CACNA1D: variants seen among roughly 807,000 people sequenced by gnomAD.
CACNA1D encodes the protein calcium voltage-gated channel subunit alpha1 D.
CACNA1D carries 55 observed loss-of-function variants against 257.1 expected under a neutral mutation model. That is an observed-to-expected ratio of 0.21 (90% CI 0.17 to 0.27). The LOEUF is 0.27. Ranked by LOEUF, CACNA1D falls within the 10% of genes least tolerant of loss-of-function variation. The pLI, the probability that CACNA1D is intolerant of heterozygous loss-of-function variation, is 1.00. For synonymous variants in CACNA1D, 980 were observed against 1,014.9 expected, an observed-to-expected ratio of 0.97 and a Z score of 0.65; for missense variants, 1,876 against 2,784.0, an observed-to-expected ratio of 0.67 and a Z score of 7.34.
intron 3 of CACNA1D, among the ~76,000 whole-genome samples, chr3:53,635,229 A>G (rs762381793): frequency 6.6e-6 from 1 of 152,136 alleles, no homozygotes; most frequent in Non-Finnish European, 1.5e-5. Flanking sequence ...TGGAGGACAC[A>G]TGTGACACAC....
chr3:53,780,452 C>T (rs879135711), intron 38 of CACNA1D, among the ~76,000 whole-genome samples: 1 of 152,194 alleles, frequency 6.6e-6, no homozygotes, highest in Non-Finnish European at 1.5e-5. Context: ...TCCAACCATC[C>T]CTAACTAGTT....
chr3:53,601,993 G>C (rs932481248), intron 3 of CACNA1D, among the ~76,000 whole-genome samples: 1 of 152,114 alleles, frequency 6.6e-6, no homozygotes, highest in Non-Finnish European at 1.5e-5. Context: ...TTACAGGCAC[G>C]AGCCACCACA....
chr3:53,752,600 C>G (rs975050076), intron 28 of CACNA1D, among the ~76,000 whole-genome samples: 1 of 152,124 alleles, frequency 6.6e-6, no homozygotes, highest in South Asian at 2.1e-4. Context: ...GGTTTCACCA[C>G]GTTGGCCAGG....
At chr3:53,700,203 A>AT (rs910859926) in intron 8 of CACNA1D, among the ~76,000 whole-genome samples, 1 of 151,464 alleles carries the variant, frequency 6.6e-6, no homozygotes, top group Non-Finnish European at 1.5e-5. Context: ...TATCTTCATA[A>AT]TTTTTTTCCC....
chr3:53,686,181 A>T (rs761104375), intron 8 of CACNA1D, among the ~76,000 whole-genome samples: 1 of 152,102 alleles, frequency 6.6e-6, no homozygotes, highest in East Asian at 1.9e-4. Context: ...GCCTTTTTAA[A>T]TGGAATTCAG....
intron 8 of CACNA1D, chr3:53,674,174 C>T (rs1039887070): frequency 5.2e-5 from 20 of 387,618 alleles, no homozygotes; most frequent in Non-Finnish European, 8.3e-5. Flanking sequence ...GTACATAACT[C>T]CTTGTCGTTT....
At chr3:53,604,481 C>T (rs1441238188) in intron 3 of CACNA1D, among the ~76,000 whole-genome samples, 3 of 152,120 alleles carry the variant, frequency 2.0e-5, no homozygotes, top group African/African-American at 7.2e-5. Flanking sequence ...AAATGGAGGG[C>T]TTTTTGAAGA....
intron 3 of CACNA1D, among the ~76,000 whole-genome samples, chr3:53,637,649 C>G (rs2093900514): frequency 6.6e-6 from 1 of 152,154 alleles, no homozygotes; most frequent in Admixed American, 6.5e-5. Flanking sequence ...AGCCCTCTCT[C>G]TAGCCTCTGG....
chr3:53,618,150 C>T (rs1488064743), intron 3 of CACNA1D, among the ~76,000 whole-genome samples: 1 of 152,192 alleles, frequency 6.6e-6, no homozygotes, highest in Non-Finnish European at 1.5e-5. Flanking sequence ...ACTTGGTAGA[C>T]TCGACAGCTC....
At position 53,789,065 on chromosome 3, in the gene CACNA1D, A is replaced by G. The variant is rs2095470999; in HGVS notation, c.4923+2113A>G. Among the ~76,000 whole-genome samples the G allele has an allele frequency of 6.6e-6, 1 of 152,220 alleles. No homozygotes were observed. Among genetic ancestry groups the G allele is most frequent in the Admixed American group, 6.5e-5 (1 of 15,284 alleles). ...TAAGTTGAAGGGTCAAATGGCATGA[A>G]TGATACAGCGGCAGGTTGTGGGTTA... On this transcript the variant is annotated intron_variant, in intron 40 of 47. Transcript: ENST00000350061. The surrounding 1 kb of genome is among the most constrained non-coding windows in gnomAD (Gnocchi z 4.2).
At position 53,770,320 on chromosome 3, in the gene CACNA1D, CT is replaced by C; in HGVS notation, c.3916-102del. On this transcript the variant is annotated intron_variant, in intron 31 of 47. Transcript: ENST00000350061. ...AGATGAAAAGGCCCTAGAATCACAT[CT>C]TCAGTTCTTACCTCTGTCACCTTTG... The C allele has an allele frequency of 2.0e-5, 22 of 1,099,624 alleles. No individual in the cohort carries two copies. The South Asian group carries it at 2.8e-4, about 14-fold the overall frequency. 68.1% of individuals were successfully genotyped at this position (1,099,624 alleles called of 1,614,324 possible).
rs1422994970 is a variant in CACNA1D at position 53,813,132 on chromosome 3, T to TAA, written c.*1726_*1727insAA. ...ATAGTATACAGACAACCTGTTAATT[T>TAA]TTTTTTTTTTTTTTTTTTTTGTAAA... On this transcript the variant is annotated 3_prime_UTR_variant, in exon 48 of 48. Coordinates refer to ENST00000350061, the MANE Select transcript of CACNA1D (RefSeq NM_001128840.3). 7.5e-4 allele frequency: 10 copies of TAA among 13,302 alleles called. No homozygotes were observed. The highest frequency in any genetic ancestry group is 5.1e-3 in the African/African-American group (10 of 1,974). 0.8% of individuals were successfully genotyped at this position (13,302 alleles called of 1,614,324 possible). A position where few individuals can be genotyped will look rare whatever the true frequency, so the allele number is the denominator to read the frequency against.
chr3:53,689,345 G>A (rs571450399), intron 8 of CACNA1D, among the ~76,000 whole-genome samples: 5 of 152,004 alleles, frequency 3.3e-5, no homozygotes, highest in Admixed American at 3.3e-4. Context: ...GAGAGAGGCA[G>A]GGTTTTTTTT....
At chr3:53,555,984 C>T (rs752893656) in intron 3 of CACNA1D, among the ~76,000 whole-genome samples, 2 of 152,168 alleles carry the variant, frequency 1.3e-5, no homozygotes, top group Admixed American at 6.5e-5. Context: ...TCCTATTCTT[C>T]CTTTACCCCA....
chr3:53,613,146 C>T (rs1375203897), intron 3 of CACNA1D, among the ~76,000 whole-genome samples: 2 of 152,196 alleles, frequency 1.3e-5, no homozygotes, highest in African/African-American at 2.4e-5. Context: ...CTGATTAACC[C>T]TAAATTTGTG....
At chr3:53,550,524 T>A (rs753167767) in intron 3 of CACNA1D, among the ~76,000 whole-genome samples, 3 of 152,250 alleles carry the variant, frequency 2.0e-5, no homozygotes, top group Non-Finnish European at 4.4e-5. Flanking sequence ...TGCCAGTTTC[T>A]TCTTTGAATA....
chr3:53,801,656 G>A (rs2070619), intron 42 of CACNA1D, among the ~76,000 whole-genome samples: 2 of 152,180 alleles, frequency 1.3e-5, no homozygotes, highest in African/African-American at 2.4e-5. Flanking sequence ...CCTGTGTGGG[G>A]TGCCGAGGGA....
chr3:53,704,919 C>T (rs1470729931), intron 9 of CACNA1D, among the ~76,000 whole-genome samples: 2 of 152,124 alleles, frequency 1.3e-5, no homozygotes, highest in African/African-American at 2.4e-5. Context: ...TAACATTAGT[C>T]GTGGTAGAGT....
At chr3:53,575,932 T>G (rs1476529720) in intron 3 of CACNA1D, among the ~76,000 whole-genome samples, 1 of 152,172 alleles carries the variant, frequency 6.6e-6, no homozygotes, top group African/African-American at 2.4e-5. Flanking sequence ...ACTGGCAAAT[T>G]TTTTTTCTGT....
Sources: allele counts gnomAD v4.1 joint callset (sites outside exome capture counted in the v4.1 genomes callset), GRCh38; gene constraint gnomAD v4.1.1; non-coding constraint Gnocchi (gnomAD v3.1); transcripts MANE v1.5; gene names NCBI Gene and HGNC (gene_info 2026-07-23, HGNC 2026-07-21).